NFKB1: variants seen among roughly 807,000 people sequenced by gnomAD.
NFKB1 encodes the protein nuclear factor NF-kappa-B p105 subunit.
Under a neutral mutation model 105.1 loss-of-function variants are expected in NFKB1, and 9 were observed. The ratio of observed to expected loss-of-function variants is 0.09; its 90% confidence interval spans 0.05 to 0.15. The LOEUF is 0.15. NFKB1 is among the 10% of genes least tolerant of loss of function. The probability of loss-of-function intolerance (pLI) is 1.00; values close to 1 mark genes in which losing one functional copy is unlikely to be tolerated. For missense variants in NFKB1, 830 were observed against 1,203.7 expected (o/e 0.69, Z 4.59); for synonymous variants, 440 against 442.2 (o/e 1.00, Z 0.06).
At chr4:102,550,847 AT>A (rs1386542200) in intron 5 of NFKB1, among the ~76,000 whole-genome samples, 1 of 151,976 alleles carries the variant, frequency 6.6e-6, no homozygotes, top group Non-Finnish European at 1.5e-5. Context: ...TTTTATTTCT[AT>A]TCCATTTTAG....
intron 1 of NFKB1, among the ~76,000 whole-genome samples, chr4:102,512,761 C>T (rs1043368657): frequency 2.0e-5 from 3 of 152,158 alleles, no homozygotes; most frequent in African/African-American, 7.2e-5. Flanking sequence ...GGAAGGCCTT[C>T]GCCGTGATTA....
Position 102,542,773 on chromosome 4 carries a change from T to C in NFKB1, c.258+4817T>C, listed in dbSNP as rs919863022. 6.6e-5 allele frequency among the ~76,000 whole-genome samples: 10 copies of C among 152,230 alleles called. No individual in the cohort carries two copies. In the East Asian group the frequency reaches 1.3e-3, roughly 20 times the overall value. On this transcript the variant is annotated intron_variant, in intron 5 of 23. Transcript: ENST00000226574. ...AAACATAGGTTCAAACTGGACGCCA[T>C]TGAAGATTAACTGGTACTCACTTTG... is the stretch of plus-strand genomic sequence containing the variant.
chr4:102,594,966 G>T lies in NFKB1; in HGVS notation c.1285G>T (p.Ala429Ser), dbSNP rs1726485758. 1 of 1,607,360 alleles carries T rather than the reference G, an allele frequency of 6.2e-7. No individual in the cohort carries two copies. ...CCATCCTGGAACTACTAAATCTAAT[G>T]CTGGGATGAAGCATGGTAAGTAATG... is the stretch of plus-strand genomic sequence containing the variant. ...TFHPGTTKSN[A>S]GMKHGTMDTE... Residue 429 changes from alanine to serine, a missense_variant, in exon 13 of 24, where the codon GCT becomes TCT. Transcript: ENST00000226574.
chr4:102,520,081 A>G (rs934434408), intron 1 of NFKB1, among the ~76,000 whole-genome samples: 1 of 152,202 alleles, frequency 6.6e-6, no homozygotes, highest in Non-Finnish European at 1.5e-5. Context: ...TGTAGCCTCT[A>G]TACACTAGAT....
At chr4:102,520,894 T>G (rs568143159) in intron 1 of NFKB1, among the ~76,000 whole-genome samples, 102 of 152,302 alleles carry the variant, frequency 6.7e-4, no homozygotes, top group African/African-American at 2.2e-3. Context: ...AGTCAAACCT[T>G]AAATTCAGGA....
intron 5 of NFKB1, among the ~76,000 whole-genome samples, chr4:102,564,300 A>C (rs1560676733): frequency 6.6e-6 from 1 of 152,252 alleles, no homozygotes; most frequent in East Asian, 1.9e-4. Context: ...AATCGATTGC[A>C]AACAGTTCTC....
chr4:102,609,060 G>C (rs758318017), intron 19 of NFKB1, among the ~76,000 whole-genome samples: 10 of 150,804 alleles, frequency 6.6e-5, no homozygotes, highest in Non-Finnish European at 1.0e-4. Flanking sequence ...GGCCGAGGTA[G>C]AAGTATCACT....
Position 102,594,895 on chromosome 4 carries a change from A to G in NFKB1, c.1214A>G (p.Tyr405Cys), listed in dbSNP as rs573164232. 5.6e-6 allele frequency: 9 copies of G among 1,608,236 alleles called. No homozygotes were observed. The Admixed American group carries it at 6.7e-5, about 12-fold the overall frequency. Residue 405 changes from tyrosine to cysteine, a missense_variant, in exon 13 of 24, where the codon TAT (tyrosine) becomes TGT (cysteine). Around this residue, in one of 8 missense-constraint regions of NFKB1, gnomAD observed 163 missense variants for 164.3 expected, o/e 0.99. Transcript: ENST00000226574. The stretch of plus-strand genomic sequence containing the variant: ...TTTGTTTTACTTGCCGTTTCAGGGT[A>G]TAGCTTCCCACACTATGGATTTCCT... ...GGGTGSTGPGYSFPHYGFPTY... is the reference protein window; with the variant it reads ...GGGTGSTGPGCSFPHYGFPTY...
At chr4:102,514,300 A>T (rs896782395) in intron 1 of NFKB1, among the ~76,000 whole-genome samples, 1 of 152,038 alleles carries the variant, frequency 6.6e-6, no homozygotes, top group African/African-American at 2.4e-5. Context: ...CTTTCCTACC[A>T]TGGTTTGAAT....
chr4:102,529,767 C>A, intron 2 of NFKB1, 69 bp from the exon 3 acceptor site: 1 of 1,163,636 alleles, frequency 8.6e-7, no homozygotes, highest in South Asian at 1.4e-5. Flanking sequence ...TTTAGGTGTC[C>A]CAACTTCAAA....
chr4:102,616,696 C>T lies in NFKB1; in HGVS notation c.*102C>T, dbSNP rs1728973676. ...GTGCATCCAAAGGTGCTCAGAGAGC[C>T]GGCCCGCCTGAATCATTCTCGATTT... is the stretch of plus-strand genomic sequence containing the variant. On this transcript the variant is annotated 3_prime_UTR_variant, in exon 24 of 24. Coordinates refer to ENST00000226574, the MANE Select transcript of NFKB1 (RefSeq NM_003998.4). 4 of 1,196,796 alleles carry T rather than the reference C, an allele frequency of 3.3e-6. No individual in the cohort carries two copies. The highest frequency in any genetic ancestry group is 2.4e-5 in the East Asian group (1 of 41,096). 74.1% of individuals were successfully genotyped at this position (1,196,796 alleles called of 1,614,324 possible). A position where few individuals can be genotyped will look rare whatever the true frequency, so the allele number is the denominator to read the frequency against.
At chr4:102,566,194 A>G (rs985389795) in intron 5 of NFKB1, among the ~76,000 whole-genome samples, 14 of 152,204 alleles carry the variant, frequency 9.2e-5, no homozygotes, top group African/African-American at 2.4e-4. Context: ...CATTATCTCC[A>G]TGCTATTTCC....
At chr4:102,541,574 G>A (rs1054950045) in intron 5 of NFKB1, among the ~76,000 whole-genome samples, 1 of 152,190 alleles carries the variant, frequency 6.6e-6, no homozygotes, top group Non-Finnish European at 1.5e-5. Context: ...AAGAAAAAGT[G>A]AAAGTGGAGA....
In NFKB1 at chr4:102,606,713, A is replaced by G. The variant is rs774485743; in HGVS notation, c.1954+16A>G. 22 of 1,608,424 alleles carry G rather than the reference A, an allele frequency of 1.4e-5. No homozygotes were observed. Among genetic ancestry groups the G allele is most frequent in the Non-Finnish European group, 1.8e-5 (21 of 1,175,946 alleles). On this transcript the variant is annotated intron_variant, in intron 17 of 23. Coordinates refer to ENST00000226574, the MANE Select transcript of NFKB1 (RefSeq NM_003998.4). The stretch of plus-strand genomic sequence containing the variant: ...AACGGGGACGGTAAGAGACAATCAC[A>G]CATCATTGGTGTAACTTTCTCCACC...
chr4:102,534,871 C>T lies in NFKB1; in HGVS notation c.159+986C>T, dbSNP rs578094742. Among the ~76,000 whole-genome samples the T allele has an allele frequency of 5.9e-5, 9 of 152,218 alleles. No individual in the cohort carries two copies. In the East Asian group the frequency reaches 1.2e-3, roughly 20 times the overall value. ...ACAAGCTTAAATAAAGCATCCACTG[C>T]GTTGTGGTTTCCAGAATCGTGACAT... On this transcript the variant is annotated intron_variant, in intron 4 of 23. Coordinates refer to ENST00000226574, the MANE Select transcript of NFKB1 (RefSeq NM_003998.4).
rs759547612 is a variant in NFKB1, at chr4:102,612,088, A to T, written c.2397A>T (p.Thr799=). ...GGAAACCATATGAGCCAGAGTTTAC[A>T]TCTGATGATTTACTAGCACAAGGTG... ...LNGKPYEPEF[T]SDDLLAQGDM... is the part of the protein sequence containing the mutation. The change falls in exon 21 of 24, where the codon ACA becomes ACT. Residue 799 remains threonine (T), a synonymous_variant. Transcript: ENST00000226574. The T allele has an allele frequency of 6.2e-7, 1 of 1,614,128 alleles. No individual in the cohort carries two copies. The highest frequency in any genetic ancestry group is 8.5e-7 in the Non-Finnish European group (1 of 1,179,986).
intron 5 of NFKB1, among the ~76,000 whole-genome samples, chr4:102,544,057 G>C (rs930853488): frequency 2.0e-5 from 3 of 148,722 alleles, no homozygotes; most frequent in African/African-American, 7.7e-5. Flanking sequence ...ATGGATCCCT[G>C]TTGGTGGTTT....
At position 102,537,838 on chromosome 4, in the gene NFKB1, C is replaced by T. The variant is rs762542803; in HGVS notation, c.160-20C>T. 4 of 1,490,896 alleles carry T rather than the reference C, an allele frequency of 2.7e-6. No individual in the cohort carries two copies. The East Asian group carries it at 9.0e-5, about 34-fold the overall frequency. The allele number at this position is 1,490,896 out of a possible 1,614,324, so 92.4% of individuals were successfully genotyped here. On this transcript the variant is annotated intron_variant, in intron 4 of 23. Transcript: ENST00000226574. ...ATAAGTATTTCTCAAACTTAATTGG[C>T]TTAACGTTCACCTTTGCAGAGAGGA...
chr4:102,592,565 T>C (rs1726261020), intron 11 of NFKB1, among the ~76,000 whole-genome samples: 1 of 152,232 alleles, frequency 6.6e-6, no homozygotes, highest in Non-Finnish European at 1.5e-5. Flanking sequence ...TTAAGATATG[T>C]ACATTGCTTT....
Sources: allele counts gnomAD v4.1 joint callset (sites outside exome capture counted in the v4.1 genomes callset), GRCh38; gene constraint gnomAD v4.1.1; regional missense constraint gnomAD v4.1.1; transcripts MANE v1.5; gene names NCBI Gene and HGNC (gene_info 2026-07-23, HGNC 2026-07-21).